XPO1: variants seen among roughly 807,000 people sequenced by gnomAD.
XPO1 encodes exportin-1.
Under a neutral mutation model 133.3 loss-of-function variants are expected in XPO1, and 5 were observed. That is an observed-to-expected ratio of 0.04 (90% confidence interval 0.02 to 0.08). XPO1 has a LOEUF of 0.08. XPO1 is among the 10% of genes least tolerant of loss of function. The pLI, the probability that XPO1 is intolerant of heterozygous loss-of-function variation, is 1.00. For missense variants in XPO1, 506 were observed against 1,267.5 expected, an observed-to-expected ratio of 0.40 and a Z score of 9.12; for synonymous variants, 419 against 408.2, an observed-to-expected ratio of 1.03 and a Z score of -0.32.
intron 4 of XPO1, among the ~76,000 whole-genome samples, chr2:61,515,986 C>T (rs541724461): frequency 4.7e-5 from 7 of 148,622 alleles, no homozygotes; most frequent in Non-Finnish European, 5.9e-5. Flanking sequence ...ATTAGCCAGA[C>T]GTGGTAGCAG....
intron 2 of XPO1, among the ~76,000 whole-genome samples, chr2:61,532,762 G>C (rs1223473892): frequency 6.6e-6 from 1 of 151,730 alleles, no homozygotes; most frequent in Non-Finnish European, 1.5e-5. Flanking sequence ...GAAAACCTGG[G>C]AGGCAGAGGT....
At position 61,526,588 on chromosome 2, in the gene XPO1, A is replaced by G; in HGVS notation, c.127-67T>C. The G allele has an allele frequency of 6.3e-6, 8 of 1,261,150 alleles. No individual in the cohort carries two copies. In the South Asian group the frequency reaches 1.2e-4, roughly 19 times the overall value. The allele number at this position is 1,261,150 out of a possible 1,614,324, so 78.1% of individuals were successfully genotyped here. On this transcript the variant is annotated intron_variant, in intron 2 of 24. Transcript: ENST00000401558. The stretch of plus-strand genomic sequence containing the variant: ...TCTTTTGAATCATTCATTAAAATGA[A>G]AACTACTGAGCAAGGCACAAATTCT...
At position 61,499,984 on chromosome 2, in the gene XPO1, G is replaced by T. The variant is rs10185759; in HGVS notation, c.409-90C>A. The T allele has an allele frequency of 2.4e-3, 2,981 of 1,264,116 alleles. 56 individuals carry two copies. In the African/African-American group the frequency reaches 0.037, roughly 16 times the overall value. The allele number at this position is 1,264,116 out of a possible 1,614,324, so 78.3% of individuals were successfully genotyped here. ...AGAAATTATGTAATGGATAAAGGCA[G>T]GAGTAAGGATAAATCACTTTTCATT... is the stretch of plus-strand genomic sequence containing the variant. On this transcript the variant is annotated intron_variant, in intron 6 of 24. Transcript: ENST00000401558.
chr2:61,481,329 A>T, intron 23 of XPO1, 48 bp from the exon 24 acceptor site: 2 of 1,465,456 alleles, frequency 1.4e-6, no homozygotes, highest in South Asian at 2.4e-5. Context: ...TTTTCCCCCG[A>T]GACAGAGTAT....
chr2:61,492,806 A>C lies in XPO1; in HGVS notation c.1385-58T>G, dbSNP rs1558639820. 2.3e-5 allele frequency: 36 copies of C among 1,575,482 alleles called. No homozygotes were observed. The highest frequency in any genetic ancestry group is 2.8e-5 in the Non-Finnish European group (33 of 1,160,730). ...AATGAGCAGAATTTTATTGATGAGT[A>C]ACAATACATTTAGAAAATATTTAGA... is the stretch of plus-strand genomic sequence containing the variant. On this transcript the variant is annotated intron_variant, in intron 13 of 24. Transcript: ENST00000401558. This position sits in a 1 kb window ranked among gnomAD's most constrained non-coding sequence, Gnocchi z 5.6.
At position 61,495,500 on chromosome 2, in the gene XPO1, A is replaced by T. The variant is rs779921996; in HGVS notation, c.1002T>A (p.Asp334Glu). Residue 334 changes from aspartate (D) to glutamate (E), a missense_variant, in exon 11 of 25, where the codon GAT becomes GAA. By Grantham distance (45) the Asp-to-Glu change is conservative. Around this residue, in one of 6 missense-constraint regions of XPO1, gnomAD observed 134 missense variants for 261.6 expected, o/e 0.51. Coordinates refer to ENST00000401558, the MANE Select transcript of XPO1 (RefSeq NM_003400.4). ...LFLCTFLKEH[D>E]QLIEKRLNLR... The stretch of plus-strand genomic sequence containing the variant: ...GATTTAATCTTTTTTCTATAAGTTG[A>T]TCATGTTCCTTAAGAAAGGTGCAGA... 6.3e-7 allele frequency: 1 copy of T among 1,583,732 alleles called. No homozygotes were observed. Among genetic ancestry groups the T allele is most frequent in the Non-Finnish European group, 8.6e-7 (1 of 1,161,308 alleles).
rs763608095 is a variant in XPO1, at chr2:61,533,887, A to G, written c.11T>C (p.Ile4Thr). MPA[I>T]MTMLADHAAR... ...TGCATGGTCTGCTAACATTGTCATA[A>G]TTGCTGGCATAGATTACTGAAAATA... The change falls in exon 2 of 25, where the codon ATT becomes ACT. Residue 4 changes from isoleucine (I) to threonine (T), a missense_variant. This residue lies in a region of XPO1 where 20 missense variants were observed against 20.4 expected (regional missense o/e 0.98). Coordinates refer to ENST00000401558, the MANE Select transcript of XPO1 (RefSeq NM_003400.4). 1.3e-6 allele frequency: 2 copies of G among 1,568,732 alleles called. No homozygotes were observed. The highest frequency in any genetic ancestry group is 1.2e-5 in the South Asian group (1 of 81,826).
At chr2:61,520,425 T>C (rs751726852) in intron 4 of XPO1, among the ~76,000 whole-genome samples, 12 of 151,922 alleles carry the variant, frequency 7.9e-5, no homozygotes, top group African/African-American at 1.5e-4. Flanking sequence ...GGTGGGAGGA[T>C]TGCTCAAGCC....
At chr2:61,515,130 A>G (rs1363222025) in intron 4 of XPO1, among the ~76,000 whole-genome samples, 1 of 152,046 alleles carries the variant, frequency 6.6e-6, no homozygotes, top group African/African-American at 2.4e-5. Flanking sequence ...AGCAAGTGAC[A>G]ACAAGCACAT....
chr2:61,495,583 C>A lies in XPO1; in HGVS notation c.919G>T (p.Ala307Ser). The A allele has an allele frequency of 6.3e-7, 1 of 1,588,660 alleles. No individual in the cohort carries two copies. Among genetic ancestry groups the A allele is most frequent in the Non-Finnish European group, 8.6e-7 (1 of 1,164,276 alleles). Residue 307 changes from alanine (A) to serine (S), a missense_variant, in exon 11 of 25, where the codon GCG becomes TCG. By Grantham distance (99) the Ala-to-Ser change is moderately conservative. This residue lies in a region of XPO1 where 134 missense variants were observed against 261.6 expected (regional missense o/e 0.51). Transcript: ENST00000401558. The stretch of plus-strand genomic sequence containing the variant: ...TCATCATCTTTTCCATTTGAGTACG[C>A]AAGTCGAATATTGGTATTTAAAGGA... ...MLPLNTNIRLAYSNGKDDEQN... is the reference protein window; with the variant it reads ...MLPLNTNIRLSYSNGKDDEQN...
chr2:61,484,961 T>G (rs1696607444), intron 20 of XPO1: 1 of 152,192 alleles, frequency 6.6e-6, no homozygotes, highest in African/African-American at 2.4e-5. Flanking sequence ...GTCAGGCTGG[T>G]CTTGAAATCC....
intron 18 of XPO1, 44 bp downstream of exon 18, chr2:61,488,544 T>C (rs1165254704): frequency 1.3e-6 from 2 of 1,548,484 alleles, no homozygotes; most frequent in East Asian, 2.3e-5. Flanking sequence ...AGAAGAGAAG[T>C]GGTTTGTTTA....
intron 3 of XPO1, among the ~76,000 whole-genome samples, chr2:61,524,752 A>T (rs907220946): frequency 6.6e-6 from 1 of 152,186 alleles, no homozygotes; most frequent in African/African-American, 2.4e-5. Flanking sequence ...CCCCACTTCT[A>T]TAAAAAAATT....
intron 21 of XPO1, 37 bp downstream of exon 21, chr2:61,483,900 T>C (rs1696540425): frequency 5.6e-6 from 9 of 1,597,734 alleles, no homozygotes; most frequent in Non-Finnish European, 7.7e-6. Context: ...ATTTTTGGAT[T>C]GGCAGGCAAA....
chr2:61,482,762 T>G (rs1696461045), intron 22 of XPO1, 195 bp downstream of exon 22: 2 of 754,226 alleles, frequency 2.7e-6, no homozygotes, highest in African/African-American at 3.5e-5. Flanking sequence ...CATGCCACCA[T>G]GCCCAGTATT....
chr2:61,515,382 T>C (rs991357825), intron 4 of XPO1, among the ~76,000 whole-genome samples: 1 of 152,180 alleles, frequency 6.6e-6, no homozygotes, highest in Non-Finnish European at 1.5e-5. Context: ...TTCTGAAACT[T>C]TGAGACTTTG....
At chr2:61,481,910 T>C (rs1346294830) in intron 23 of XPO1, among the ~76,000 whole-genome samples, 1 of 151,900 alleles carries the variant, frequency 6.6e-6, no homozygotes, top group Non-Finnish European at 1.5e-5. Flanking sequence ...TAATTTTTTG[T>C]ATTTTTAGTA....
intron 3 of XPO1, chr2:61,526,209 C>T: frequency 7.4e-7 from 1 of 1,351,190 alleles, no homozygotes; most frequent in Non-Finnish European, 9.4e-7. Flanking sequence ...AAAAAGCCAC[C>T]TTGCATACTA....
At chr2:61,513,636 G>C (rs2104645052) in intron 4 of XPO1, among the ~76,000 whole-genome samples, 1 of 151,936 alleles carries the variant, frequency 6.6e-6, no homozygotes, top group Admixed American at 6.6e-5. Context: ...AAAACTTACA[G>C]AAAATCTTAA....
Sources: gnomAD v4.1 joint callset for allele counts (sites outside exome capture counted in the v4.1 genomes callset) on GRCh38, gnomAD v4.1.1 for gene constraint, gnomAD v4.1.1 regional missense constraint, Gnocchi (gnomAD v3.1) non-coding constraint, MANE v1.5 for transcripts, NCBI Gene and HGNC (gene_info 2026-07-23, HGNC 2026-07-21) for gene names.